FAM193A: variants seen among roughly 807,000 people sequenced by gnomAD.
FAM193A encodes family with sequence similarity 193 member A.
Under a neutral mutation model 126.5 loss-of-function variants are expected in FAM193A, and 22 were observed. The observed-to-expected ratio is 0.17, with a 90% CI of 0.12 to 0.25. The LOEUF is 0.25. FAM193A is among the 10% of genes least tolerant of loss of function. The probability of loss-of-function intolerance (pLI) is 1.00; values close to 1 mark genes in which losing one functional copy is unlikely to be tolerated. For synonymous variants in FAM193A, 761 were observed against 646.8 expected (o/e 1.18, Z -2.68); for missense variants, 1,675 against 1,672.8 (o/e 1.00, Z -0.02).
intron 17 of FAM193A, among the ~76,000 whole-genome samples, chr4:2,695,923 G>A (rs1716980611): frequency 6.6e-6 from 1 of 152,102 alleles, no homozygotes; most frequent in South Asian, 2.1e-4. Context: ...AAAATTAGCT[G>A]AGTGTGACAG....
chr4:2,596,825 C>T (rs1329254893), intron 2 of FAM193A, among the ~76,000 whole-genome samples: 1 of 152,108 alleles, frequency 6.6e-6, no homozygotes, highest in Non-Finnish European at 1.5e-5. Context: ...GCCCTTGTTC[C>T]GGGCAGGCTT....
chr4:2,683,985 C>T (rs766129060), intron 13 of FAM193A, among the ~76,000 whole-genome samples: 51 of 152,226 alleles, frequency 3.4e-4, no homozygotes, highest in Admixed American at 9.8e-4. Flanking sequence ...GTCTTCGTTT[C>T]TCTTAGATTG....
At chr4:2,569,608 C>CT (rs1181839701) in intron 1 of FAM193A, among the ~76,000 whole-genome samples, 6 of 152,114 alleles carry the variant, frequency 3.9e-5, no homozygotes. Context: ...AGCTATCCTC[C>CT]TGCCTCTGCC....
chr4:2,687,976 A>G (rs573787958), intron 13 of FAM193A, among the ~76,000 whole-genome samples: 2 of 152,222 alleles, frequency 1.3e-5, no homozygotes, highest in South Asian at 4.2e-4. Flanking sequence ...ATTCTGCCGA[A>G]CCATCGCCCA....
chr4:2,609,327 T>C (rs1228728082), intron 2 of FAM193A, among the ~76,000 whole-genome samples: 1 of 152,176 alleles, frequency 6.6e-6, no homozygotes, highest in Non-Finnish European at 1.5e-5. Context: ...TGGTGGGAGA[T>C]ACGGTGAGGG....
At chr4:2,566,464 C>T (rs140185647) in intron 1 of FAM193A, among the ~76,000 whole-genome samples, 15 of 152,148 alleles carry the variant, frequency 9.9e-5, no homozygotes, top group East Asian at 1.9e-4. Flanking sequence ...ATGAGGCGGA[C>T]GGATCACTTG....
chr4:2,710,961 C>T (rs191448856), intron 19 of FAM193A, among the ~76,000 whole-genome samples: 409 of 150,578 alleles, frequency 2.7e-3, no homozygotes, highest in African/African-American at 7.8e-3. Flanking sequence ...ATGCCATTCT[C>T]CTGACTCAGC....
rs764722921 is a variant in FAM193A at position 2,700,295 on chromosome 4, G to A, written c.4123G>A (p.Ala1375Thr). The A allele has an allele frequency of 7.4e-6, 12 of 1,613,946 alleles. No individual in the cohort carries two copies. In the East Asian group the frequency reaches 8.9e-5, roughly 12 times the overall value. ...SKPRAQTESK[A>T]KVVDLMSITE... ...GCCCCGGGCCCAGACTGAGTCAAAGGCTAAGGTGGTCGACCTCATGTCCAT... is the reference window on the plus strand; with the variant it reads ...GCCCCGGGCCCAGACTGAGTCAAAGACTAAGGTGGTCGACCTCATGTCCAT... The change falls in exon 19 of 21, where the codon GCT becomes ACT. Residue 1375 changes from alanine (A) to threonine (T), a missense_variant. Physicochemically the swap from Ala to Thr is moderately conservative, Grantham distance 58. Around this residue, in one of 4 missense-constraint regions of FAM193A, gnomAD observed 415 missense variants for 396.7 expected, o/e 1.05. Transcript: ENST00000637812.
intron 13 of FAM193A, among the ~76,000 whole-genome samples, chr4:2,685,685 CCT>C (rs1290498896): frequency 2.0e-5 from 3 of 152,202 alleles, no homozygotes; most frequent in African/African-American, 7.2e-5. Flanking sequence ...GTGTTGGGAA[CCT>C]CTCACGTGTG....
intron 5 of FAM193A, among the ~76,000 whole-genome samples, chr4:2,636,891 C>A (rs929782328): frequency 1.1e-4 from 17 of 152,202 alleles, no homozygotes; most frequent in African/African-American, 3.9e-4. Context: ...GCTGAACTCA[C>A]TGGATACTCT....
chr4:2,634,159 T>C (rs1442377388), intron 5 of FAM193A, among the ~76,000 whole-genome samples: 1 of 152,172 alleles, frequency 6.6e-6, no homozygotes, highest in African/African-American at 2.4e-5. Context: ...ACAGCAGGGA[T>C]CTGCAGCTCT....
intron 2 of FAM193A, among the ~76,000 whole-genome samples, chr4:2,610,888 C>G (rs1052739081): frequency 2.0e-5 from 3 of 152,036 alleles, no homozygotes; most frequent in Admixed American, 1.3e-4. Context: ...CAGGCATGCA[C>G]CACCACGCCC....
At chr4:2,700,649 G>A in intron 19 of FAM193A, 105 bp downstream of exon 19, 6 of 1,393,844 alleles carry the variant, frequency 4.3e-6, no homozygotes, top group Non-Finnish European at 5.8e-6. Context: ...TCGCCATGTG[G>A]CCTCCCTCCT....
At chr4:2,591,837 G>A (rs978094042) in intron 1 of FAM193A, among the ~76,000 whole-genome samples, 1 of 152,106 alleles carries the variant, frequency 6.6e-6, no homozygotes, top group African/African-American at 2.4e-5. Context: ...TCACTGGGTG[G>A]TAGAAAATCA....
At chr4:2,595,087 C>CA (rs1740785422) in intron 1 of FAM193A, among the ~76,000 whole-genome samples, 1 of 151,652 alleles carries the variant, frequency 6.6e-6, no homozygotes. Context: ...CTTGCCCTCT[C>CA]ACCCAGGCTA....
At chr4:2,626,353 G>T in intron 3 of FAM193A, 57 bp from the exon 4 acceptor site, 1 of 678,726 alleles carries the variant, frequency 1.5e-6, no homozygotes, top group South Asian at 1.5e-5. Flanking sequence ...CAGTGTGCTA[G>T]GTGAGGAAGG....
intron 1 of FAM193A, among the ~76,000 whole-genome samples, chr4:2,538,546 T>G (rs1429847821): frequency 6.6e-6 from 1 of 151,928 alleles, no homozygotes; most frequent in Non-Finnish European, 1.5e-5. Context: ...AGTCCTGGAC[T>G]TCAGTCTCCC....
intron 19 of FAM193A, among the ~76,000 whole-genome samples, chr4:2,710,373 C>T (rs1400464697): frequency 6.6e-6 from 1 of 151,930 alleles, no homozygotes; most frequent in Non-Finnish European, 1.5e-5. Flanking sequence ...TGGGGTTTCA[C>T]CATGTTAGCC....
At chr4:2,608,751 T>G (rs758859194) in intron 2 of FAM193A, among the ~76,000 whole-genome samples, 2 of 152,292 alleles carry the variant, frequency 1.3e-5, no homozygotes, top group South Asian at 4.1e-4. Flanking sequence ...CATTTTTGCA[T>G]AGACCTGCAA....
Sources: gnomAD v4.1 joint callset for allele counts (sites outside exome capture counted in the v4.1 genomes callset) on GRCh38, gnomAD v4.1.1 for gene constraint, gnomAD v4.1.1 regional missense constraint, MANE v1.5 for transcripts, NCBI Gene and HGNC (gene_info 2026-07-23, HGNC 2026-07-21) for gene names.